Variants in LY75 observed in about 807,000 individuals in gnomAD.
The protein encoded by LY75 is lymphocyte antigen 75.
LY75 carries 185 observed loss-of-function variants against 231.7 expected under a neutral mutation model. The ratio of observed to expected loss-of-function variants is 0.80; its 90% CI spans 0.71 to 0.90. The LOEUF (loss-of-function observed/expected upper bound fraction) is 0.90, where lower values mean the gene tolerates loss of function less well. Ranked by LOEUF, LY75 falls within the 40% of genes least tolerant of loss-of-function variation. The probability of loss-of-function intolerance (pLI) is 0.00; values close to 1 mark genes in which losing one functional copy is unlikely to be tolerated. For synonymous variants in LY75, 668 were observed against 689.0 expected (o/e 0.97, Z 0.48); for missense variants, 1,947 against 2,050.2 (o/e 0.95, Z 0.97).
intron 2 of LY75, among the ~76,000 whole-genome samples, chr2:159,897,259 T>C (rs748827364): frequency 6.6e-6 from 1 of 152,236 alleles, no homozygotes; most frequent in Non-Finnish European, 1.5e-5. Context: ...TTCTGATCCC[T>C]GGACAAATAC....
intron 1 of LY75, chr2:159,902,358 T>G (rs1432665161): frequency 6.6e-6 from 1 of 152,230 alleles, no homozygotes; most frequent in African/African-American, 2.4e-5. Flanking sequence ...AATGGCTAAG[T>G]AGCATTACCA....
rs377081219 is a variant in LY75, at chr2:159,834,034, T to C, written c.3841+10A>G. On this transcript the variant is annotated intron_variant, in intron 27 of 34. Coordinates refer to ENST00000263636, the MANE Select transcript of LY75 (RefSeq NM_002349.4). Reference sequence around the variant, plus strand: ...ATAGCAACATGAGAATGGACTAATATAATACTTACTCAGTTTCTGGCATTT... The same window carrying C: ...ATAGCAACATGAGAATGGACTAATACAATACTTACTCAGTTTCTGGCATTT... 14 of 1,612,438 alleles carry C rather than the reference T, an allele frequency of 8.7e-6. No individual in the cohort carries two copies. Among genetic ancestry groups the C allele is most frequent in the African/African-American group, 5.3e-5 (4 of 74,892 alleles).
intron 30 of LY75, 154 bp from the exon 31 acceptor site, chr2:159,815,727 G>C: frequency 1.7e-5 from 8 of 465,864 alleles, no homozygotes; most frequent in Non-Finnish European, 2.3e-5. Context: ...TTGTAGGTCT[G>C]ATTTACTTCT....
chr2:159,807,545 G>T, intron 33 of LY75: 1 of 783,872 alleles, frequency 1.3e-6, no homozygotes, highest in Non-Finnish European at 1.5e-6. Context: ...AGATATGCTG[G>T]TGGAAGAGGA....
intron 14 of LY75, among the ~76,000 whole-genome samples, chr2:159,861,567 G>A (rs1054128002): frequency 2.0e-5 from 3 of 152,024 alleles, no homozygotes; most frequent in African/African-American, 7.3e-5. Context: ...GGGCAACATG[G>A]TGAAACCCCA....
intron 30 of LY75, 50 bp downstream of exon 30, chr2:159,816,756 C>A: frequency 6.2e-7 from 1 of 1,600,934 alleles, no homozygotes. Flanking sequence ...AATTTCTAAC[C>A]CTCAAAATAA....
chr2:159,820,024 C>A (rs745979732), intron 28 of LY75, 104 bp from the exon 29 acceptor site: 4 of 1,182,276 alleles, frequency 3.4e-6, no homozygotes, highest in South Asian at 3.9e-5. Context: ...CTTTTCCCAA[C>A]CTTCTAAAAG....
At chr2:159,900,642 A>T (rs1398794599) in intron 1 of LY75, among the ~76,000 whole-genome samples, 1 of 152,262 alleles carries the variant, frequency 6.6e-6, no homozygotes, top group Non-Finnish European at 1.5e-5. Context: ...CATGTAAATA[A>T]TAACTATAAA....
chr2:159,853,528 G>C, intron 19 of LY75, 102 bp downstream of exon 19: 1 of 1,558,330 alleles, frequency 6.4e-7, no homozygotes, highest in Non-Finnish European at 8.8e-7. Flanking sequence ...GCAGTTTATG[G>C]ATTAATATTC....
intron 28 of LY75, among the ~76,000 whole-genome samples, chr2:159,824,664 C>G (rs901341070): frequency 1.3e-5 from 2 of 152,198 alleles, no homozygotes; most frequent in Non-Finnish European, 2.9e-5. Flanking sequence ...AATATACATT[C>G]TTCTCAGCAC....
intron 9 of LY75, 83 bp downstream of exon 9, chr2:159,879,176 T>A: frequency 3.4e-6 from 5 of 1,457,140 alleles, no homozygotes; most frequent in Non-Finnish European, 4.6e-6. Flanking sequence ...TTTATAAGTC[T>A]GAGTTATTTA....
At chr2:159,808,658 AT>A in intron 32 of LY75, 87 bp from the exon 33 acceptor site, 1 of 1,511,878 alleles carries the variant, frequency 6.6e-7, no homozygotes, top group South Asian at 1.2e-5. Flanking sequence ...AAATACATAT[AT>A]TATTAACAAG....
chr2:159,887,800 G>A (rs534599261), intron 4 of LY75, among the ~76,000 whole-genome samples: 1 of 152,006 alleles, frequency 6.6e-6, no homozygotes, highest in Non-Finnish European at 1.5e-5. Flanking sequence ...GGTACAATAA[G>A]GTCCTTTACC....
Position 159,875,459 on chromosome 2 carries a change from A to G in LY75, c.1959T>C (p.Ser653=), listed in dbSNP as rs2125871782. The change falls in exon 12 of 35, where the codon AGT becomes AGC. Residue 653 remains serine, a synonymous_variant. Transcript: ENST00000263636. ...CPEGWQSFPA[S]LSCYKVFHAE... Reference sequence around the variant, plus strand: ...GTCACTTTACCTTATAACAAGAAAGACTTGCGGGGAAACTCTGCCAGCCTT... The same window carrying G: ...GTCACTTTACCTTATAACAAGAAAGGCTTGCGGGGAAACTCTGCCAGCCTT... 1.9e-6 allele frequency: 3 copies of G among 1,613,218 alleles called. No individual in the cohort carries two copies. The highest frequency in any genetic ancestry group is 1.3e-5 in the African/African-American group (1 of 74,936).
At chr2:159,838,302 C>T (rs942732367) in intron 25 of LY75, among the ~76,000 whole-genome samples, 4 of 152,022 alleles carry the variant, frequency 2.6e-5, no homozygotes, top group Non-Finnish European at 4.4e-5. Context: ...TAAACAGCTA[C>T]ACAGAATATG....
chr2:159,860,966 T>G (rs1684683983), intron 14 of LY75, 77 bp from the exon 15 acceptor site: 1 of 1,543,414 alleles, frequency 6.5e-7, no homozygotes, highest in Non-Finnish European at 8.9e-7. Flanking sequence ...TTAGGCAGCC[T>G]TAATCACTCA....
chr2:159,834,791 A>G (rs968486854), intron 26 of LY75, among the ~76,000 whole-genome samples: 3 of 152,222 alleles, frequency 2.0e-5, no homozygotes, highest in African/African-American at 4.8e-5. Flanking sequence ...ACTCAAATAC[A>G]TTAAACTGAT....
intron 13 of LY75, among the ~76,000 whole-genome samples, chr2:159,867,267 T>C (rs1398255571): frequency 6.6e-6 from 1 of 152,192 alleles, no homozygotes; most frequent in Non-Finnish European, 1.5e-5. Context: ...GCGACATGTA[T>C]GTATTTTTTT....
intron 25 of LY75, among the ~76,000 whole-genome samples, chr2:159,837,350 G>A (rs893281687): frequency 3.3e-5 from 5 of 152,226 alleles, no homozygotes; most frequent in African/African-American, 1.2e-4. Context: ...CAACATGGAT[G>A]TAGCTGGAGG....
Sources: gnomAD v4.1 joint callset for allele counts (sites outside exome capture counted in the v4.1 genomes callset) on GRCh38, gnomAD v4.1.1 for gene constraint, MANE v1.5 for transcripts, NCBI Gene and HGNC (gene_info 2026-07-23, HGNC 2026-07-21) for gene names.